The following DOCK1 variants were observed in gnomAD, a reference collection of about 807,000 sequenced individuals.
DOCK1 encodes dedicator of cytokinesis protein 1.
DOCK1 carries 138 observed loss-of-function variants against 262.7 expected under a neutral mutation model. That is an observed-to-expected ratio of 0.53 (90% CI 0.46 to 0.61). The LOEUF (loss-of-function observed/expected upper bound fraction) is 0.61. Ranked by LOEUF, DOCK1 falls within the 20% of genes least tolerant of loss-of-function variation. The pLI, the probability that DOCK1 is intolerant of heterozygous loss-of-function variation, is 0.00. For missense variants in DOCK1, 1,908 were observed against 2,370.7 expected, an observed-to-expected ratio of 0.80 and a Z score of 4.05; for synonymous variants, 866 against 867.4, an observed-to-expected ratio of 1.00 and a Z score of 0.03.
intron 23 of DOCK1, among the ~76,000 whole-genome samples, chr10:127,064,100 A>G (rs570132128): frequency 1.0e-3 from 155 of 152,366 alleles, no homozygotes; most frequent in African/African-American, 3.6e-3. Flanking sequence ...CTTGTGAACC[A>G]TCTTCCATAG....
chr10:126,978,346 G>A (rs1480649103), intron 3 of DOCK1, among the ~76,000 whole-genome samples: 1 of 152,122 alleles, frequency 6.6e-6, no homozygotes, highest in Non-Finnish European at 1.5e-5. Flanking sequence ...ATCTTATGTT[G>A]TCCTTAATAA....
chr10:127,262,842 C>T (rs1305891593), intron 29 of DOCK1, among the ~76,000 whole-genome samples: 1 of 152,202 alleles, frequency 6.6e-6, no homozygotes. Context: ...CCTTCATACC[C>T]TCAGCAGCCC....
chr10:127,094,175 C>T (rs559224069), intron 23 of DOCK1, among the ~76,000 whole-genome samples: 5 of 152,122 alleles, frequency 3.3e-5, no homozygotes, highest in Admixed American at 1.3e-4. Context: ...GCCTGGGCGA[C>T]GGAGTGAGAA....
intron 27 of DOCK1, among the ~76,000 whole-genome samples, chr10:127,131,430 CA>C (rs1231195971): frequency 6.6e-6 from 1 of 152,108 alleles, no homozygotes; most frequent in African/African-American, 2.4e-5. Flanking sequence ...AAAGGACTCT[CA>C]AAAAAATTCT....
chr10:127,080,413 T>G (rs918934940), intron 23 of DOCK1, among the ~76,000 whole-genome samples: 1 of 152,128 alleles, frequency 6.6e-6, no homozygotes, highest in Non-Finnish European at 1.5e-5. Context: ...TCCCCTCCCA[T>G]AGCCGACCCC....
chr10:126,990,646 T>A, intron 6 of DOCK1, 43 bp downstream of exon 6: 2 of 1,599,932 alleles, frequency 1.3e-6, no homozygotes, highest in Non-Finnish European at 1.7e-6. Flanking sequence ...AATTATCCAA[T>A]GTAATAACAT....
At chr10:127,325,560 T>C (rs1199106539) in intron 29 of DOCK1, among the ~76,000 whole-genome samples, 1 of 152,178 alleles carries the variant, frequency 6.6e-6, no homozygotes, top group Non-Finnish European at 1.5e-5. Context: ...ATTCCTGGAG[T>C]CCCTGCTTTA....
chr10:126,976,078 T>A (rs2038518291), intron 2 of DOCK1, among the ~76,000 whole-genome samples: 1 of 152,256 alleles, frequency 6.6e-6, no homozygotes, highest in Non-Finnish European at 1.5e-5. Context: ...TTGTTGAAAC[T>A]GAGTACACAG....
chr10:127,355,364 T>C (rs1388028378), intron 32 of DOCK1, among the ~76,000 whole-genome samples: 1 of 152,178 alleles, frequency 6.6e-6, no homozygotes, highest in African/African-American at 2.4e-5. Context: ...GACAATAACT[T>C]GGTATCTTCC....
At chr10:126,987,664 CT>C in intron 5 of DOCK1, 47 bp downstream of exon 5, 5 of 1,454,492 alleles carry the variant, frequency 3.4e-6, no homozygotes, top group Admixed American at 2.2e-5. Flanking sequence ...AGAGAGTGGG[CT>C]TTTTTGACCC....
chr10:126,925,349 TTCTCTTACTAC>T (rs1244506260), intron 1 of DOCK1, among the ~76,000 whole-genome samples: 3 of 152,238 alleles, frequency 2.0e-5, no homozygotes, highest in Admixed American at 6.5e-5. Flanking sequence ...TCTTGGTGTC[TTCTCTTACTAC>T]TCAGGGTACT....
At chr10:127,397,755 G>A (rs73388611) in intron 38 of DOCK1, among the ~76,000 whole-genome samples, 62,059 of 145,284 alleles carry the variant, frequency 0.43, 13,413 homozygotes, top group Middle Eastern at 0.53. Flanking sequence ...TGTATGACAC[G>A]GGCAGCGACT....
intron 8 of DOCK1, chr10:126,998,635 A>G (rs7089631): frequency 0.01 from 1,744 of 167,518 alleles, 26 homozygotes; most frequent in African/African-American, 0.032. Context: ...TATGAATGCC[A>G]TTTCTGTGAG....
At chr10:126,912,611 A>G (rs1382410379) in intron 1 of DOCK1, among the ~76,000 whole-genome samples, 2 of 151,630 alleles carry the variant, frequency 1.3e-5, no homozygotes, top group African/African-American at 4.9e-5. Context: ...CTGTGGTCCC[A>G]GCTACTCGGG....
intron 35 of DOCK1, among the ~76,000 whole-genome samples, chr10:127,375,430 CCAA>C (rs2065435206): frequency 6.6e-6 from 1 of 152,218 alleles, no homozygotes; most frequent in South Asian, 2.1e-4. Context: ...TTCAGAGTCG[CCAA>C]CAACATGTGG....
chr10:127,079,351 C>T (rs985461974), intron 23 of DOCK1, among the ~76,000 whole-genome samples: 2 of 152,210 alleles, frequency 1.3e-5, no homozygotes, highest in Non-Finnish European at 2.9e-5. Context: ...AAACTCTGTT[C>T]TGCAATTCTG....
chr10:126,992,730 C>A (rs111770988), intron 6 of DOCK1, among the ~76,000 whole-genome samples: 1 of 112,596 alleles, frequency 8.9e-6, no homozygotes, highest in African/African-American at 3.3e-5. Context: ...CAGACCCCCC[C>A]AACACAGACA....
intron 25 of DOCK1, among the ~76,000 whole-genome samples, chr10:127,122,137 A>G (rs2049626578): frequency 6.6e-6 from 1 of 152,192 alleles, no homozygotes; most frequent in African/African-American, 2.4e-5. Flanking sequence ...ACAGGTCACC[A>G]GGGAGGTGCA....
chr10:127,194,878 C>T (rs12412340), intron 27 of DOCK1, among the ~76,000 whole-genome samples: 1 of 148,286 alleles, frequency 6.7e-6, no homozygotes, highest in Non-Finnish European at 1.5e-5. Context: ...ATTTCAGCGC[C>T]TAAGCAGACA....
Sources: gnomAD v4.1 joint callset for allele counts (sites outside exome capture counted in the v4.1 genomes callset) on GRCh38, gnomAD v4.1.1 for gene constraint, MANE v1.5 for transcripts, NCBI Gene and HGNC (gene_info 2026-07-23, HGNC 2026-07-21) for gene names.